Variants in CFAP20DC observed in about 807,000 individuals in gnomAD.
CFAP20DC encodes the protein protein CFAP20DC.
Under a neutral mutation model 101.7 loss-of-function variants are expected in CFAP20DC, and 84 were observed. The observed-to-expected ratio is 0.83, with a 90% CI of 0.69 to 0.99. The LOEUF (loss-of-function observed/expected upper bound fraction) is 0.99, where lower values mean the gene tolerates loss of function less well. Among genes scored for constraint, CFAP20DC ranks in the 50% least tolerant of loss-of-function variants. The pLI is 0.00. For synonymous variants in CFAP20DC, 359 were observed against 351.2 expected, an observed-to-expected ratio of 1.02 and a Z score of -0.25; for missense variants, 1,007 against 970.3, an observed-to-expected ratio of 1.04 and a Z score of -0.50.
intron 12 of CFAP20DC, among the ~76,000 whole-genome samples, chr3:58,858,295 A>C (rs576428539): frequency 1.3e-5 from 2 of 152,314 alleles, no homozygotes; most frequent in East Asian, 3.9e-4. Context: ...CAGGAACATC[A>C]ATAGAGTTTG....
At chr3:59,032,615 G>A (rs2094017950) in intron 4 of CFAP20DC, among the ~76,000 whole-genome samples, 1 of 152,172 alleles carries the variant, frequency 6.6e-6, no homozygotes, top group African/African-American at 2.4e-5. Context: ...ACTGCAGCTG[G>A]GCAAAGCTTC....
intron 3 of CFAP20DC, among the ~76,000 whole-genome samples, chr3:58,723,573 G>A (rs1221759434): frequency 6.6e-6 from 1 of 152,222 alleles, no homozygotes; most frequent in Admixed American, 6.5e-5. Flanking sequence ...GCATCAATAA[G>A]CAGCAATTTA....
chr3:58,848,960 A>G (rs2077976890), intron 13 of CFAP20DC, 72 bp downstream of exon 13: 4 of 1,449,556 alleles, frequency 2.8e-6, no homozygotes, highest in Non-Finnish European at 3.6e-6. Flanking sequence ...ACTGCTAAAA[A>G]CATGGGTGGA....
Position 58,799,734 on chromosome 3 carries a change from TG to T in CFAP20DC, c.2237+6660del, listed in dbSNP as rs1489809399. On this transcript the variant is annotated intron_variant, in intron 15 of 16. Coordinates refer to ENST00000482387, the MANE Select transcript of CFAP20DC (RefSeq NM_001394063.1). This position sits in a 1 kb window ranked among gnomAD's most constrained non-coding sequence, Gnocchi z 4.9. The stretch of plus-strand genomic sequence containing the variant: ...GTGTGTGTGTGTCTGTGTGTGTGTC[TG>T]TGTGTGTGTGTGTGTGTGTGTGTGT... Among the ~76,000 whole-genome samples, 11 of 37,362 alleles carry T rather than the reference TG, an allele frequency of 2.9e-4. No homozygotes were observed. Among genetic ancestry groups the T allele is most frequent in the African/African-American group, 2.1e-3 (7 of 3,388 alleles). The allele number at this position is 37,362 out of a possible 152,430, so 24.5% of individuals were successfully genotyped here. A position where few individuals can be genotyped will look rare whatever the true frequency, so the allele number is the denominator to read the frequency against.
At chr3:59,009,337 T>C (rs1272548432) in intron 4 of CFAP20DC, among the ~76,000 whole-genome samples, 1 of 151,896 alleles carries the variant, frequency 6.6e-6, no homozygotes, top group East Asian at 1.9e-4. Flanking sequence ...AATCTCTGAA[T>C]TGCCAGATAA....
intron 15 of CFAP20DC, among the ~76,000 whole-genome samples, chr3:58,763,292 C>G (rs573192091): frequency 8.1e-4 from 123 of 152,292 alleles, no homozygotes; most frequent in Middle Eastern, 3.4e-3. Context: ...TTCATTTGAT[C>G]TTCCATCACT....
Position 58,870,046 on chromosome 3 carries a change from G to T in CFAP20DC, c.852+127C>A. The T allele has an allele frequency of 4.7e-6, 4 of 848,504 alleles. No individual in the cohort carries two copies. The South Asian group carries it at 8.6e-5, about 18-fold the overall frequency. The allele number at this position is 848,504 out of a possible 1,614,324, so 52.6% of individuals were successfully genotyped here. On this transcript the variant is annotated intron_variant, in intron 8 of 16. Transcript: ENST00000482387. ...AATTTATTCAAGCCTTCTGCTTTTGGCATGTAGTGTCTGTCTGTCTGTCTG... is the reference window on the plus strand; with the variant it reads ...AATTTATTCAAGCCTTCTGCTTTTGTCATGTAGTGTCTGTCTGTCTGTCTG...
At chr3:58,898,654 G>A (rs1267329346) in intron 6 of CFAP20DC, among the ~76,000 whole-genome samples, 1 of 152,094 alleles carries the variant, frequency 6.6e-6, no homozygotes, top group Non-Finnish European at 1.5e-5. Flanking sequence ...AGCAAAGTTC[G>A]TTATTACCCA....
chr3:58,746,412 T>C (rs1218527036), intron 16 of CFAP20DC, among the ~76,000 whole-genome samples: 4 of 152,060 alleles, frequency 2.6e-5, no homozygotes, highest in African/African-American at 9.7e-5. Flanking sequence ...TGTGCCTATG[T>C]TTGCAAAAAA....
intron 12 of CFAP20DC, among the ~76,000 whole-genome samples, chr3:58,854,256 T>C (rs924407616): frequency 7.3e-5 from 11 of 151,198 alleles, no homozygotes; most frequent in Admixed American, 2.0e-4. Flanking sequence ...GAGAAGAAAA[T>C]ACCTAGGAAT....
Position 58,863,817 on chromosome 3 carries a change from T to A in CFAP20DC, c.1334A>T (p.Asp445Val). 6.2e-7 allele frequency: 1 copy of A among 1,614,182 alleles called. No homozygotes were observed. Among genetic ancestry groups the A allele is most frequent in the Non-Finnish European group, 8.5e-7 (1 of 1,180,042 alleles). The change falls in exon 12 of 17, where the codon GAT (aspartate) becomes GTT (valine). Residue 445 changes from aspartate to valine, a missense_variant. Coordinates refer to ENST00000482387, the MANE Select transcript of CFAP20DC (RefSeq NM_001394063.1). The surrounding 1 kb of genome is among the most constrained non-coding windows in gnomAD (Gnocchi z 5.9). ...ASSRQSLLLG[D>V]DSCNPSHLWL... The stretch of plus-strand genomic sequence containing the variant: ...CAGGTGTGATGGGTTGCAGGAGTCA[T>A]CACCCAGAAGTAGAGACTGTCTGCT...
intron 5 of CFAP20DC, among the ~76,000 whole-genome samples, chr3:58,935,075 T>A (rs1465924719): frequency 1.3e-5 from 2 of 152,182 alleles, no homozygotes; most frequent in Non-Finnish European, 2.9e-5. Context: ...TTCAGCAAAG[T>A]CTCAGGATAC....
intron 5 of CFAP20DC, chr3:58,915,080 G>C (rs2084541942): frequency 6.6e-6 from 1 of 152,156 alleles, no homozygotes; most frequent in African/African-American, 2.4e-5. Flanking sequence ...CTTTACAAAA[G>C]AATGTGCAAA....
chr3:58,944,862 T>C (rs546866024), intron 4 of CFAP20DC, among the ~76,000 whole-genome samples: 1 of 152,186 alleles, frequency 6.6e-6, no homozygotes, highest in East Asian at 1.9e-4. Flanking sequence ...AAGACTGGAG[T>C]GTAAACTACT....
chr3:58,782,647 A>T (rs1417073321), intron 15 of CFAP20DC, among the ~76,000 whole-genome samples: 2 of 152,038 alleles, frequency 1.3e-5, no homozygotes, highest in Non-Finnish European at 2.9e-5. Context: ...CTAGCTAAGA[A>T]ATAAGAAAGC....
intron 14 of CFAP20DC, among the ~76,000 whole-genome samples, chr3:58,819,437 C>A (rs201127241): frequency 2.0e-5 from 3 of 150,608 alleles, no homozygotes; most frequent in Admixed American, 1.3e-4. Context: ...CAAATAGACA[C>A]AATAAAAAAT....
rs7653229 is a variant in CFAP20DC at position 58,913,907 on chromosome 3, A to T, written c.394-43T>A. 120,582 of 1,600,662 alleles carry T rather than the reference A, an allele frequency of 0.075. 13,321 individuals are homozygous for T. The highest frequency in any genetic ancestry group is 0.43 in the African/African-American group (32,211 of 74,588). On this transcript the variant is annotated intron_variant, in intron 5 of 16. Transcript: ENST00000482387. This position sits in a 1 kb window ranked among gnomAD's most constrained non-coding sequence, Gnocchi z 4.4. ...AAAGAAGAGTAAGGACCTTTCATCAACACATAAATGAACAAACCATCTATA... is the reference window on the plus strand; with the variant it reads ...AAAGAAGAGTAAGGACCTTTCATCATCACATAAATGAACAAACCATCTATA...
chr3:58,924,490 G>T (rs2085734559), intron 5 of CFAP20DC, among the ~76,000 whole-genome samples: 1 of 152,014 alleles, frequency 6.6e-6, no homozygotes, highest in African/African-American at 2.4e-5. Context: ...TGGACACTTA[G>T]GTTGATTCCA....
At chr3:59,018,535 A>G (rs2093735741) in intron 4 of CFAP20DC, 1 of 152,116 alleles carries the variant, frequency 6.6e-6, no homozygotes. Context: ...ATCACTTTAT[A>G]GTACATTTCA....
Sources: gnomAD v4.1 joint callset for allele counts (sites outside exome capture counted in the v4.1 genomes callset) on GRCh38, gnomAD v4.1.1 for gene constraint, Gnocchi (gnomAD v3.1) non-coding constraint, MANE v1.5 for transcripts, NCBI Gene and HGNC (gene_info 2026-07-23, HGNC 2026-07-21) for gene names.